The following MYOM3 variants were observed in gnomAD, a reference collection of about 807,000 sequenced individuals.
The protein encoded by MYOM3 is myomesin-3.
MYOM3 carries 155 observed loss-of-function variants against 191.7 expected under a neutral mutation model. The observed-to-expected ratio is 0.81, with a 90% CI of 0.71 to 0.92. The LOEUF is 0.92. MYOM3 is among the 40% of genes least tolerant of loss of function. The pLI is 0.00. For missense variants in MYOM3, 1,889 were observed against 1,890.6 expected (o/e 1.00, Z 0.02); for synonymous variants, 757 against 762.9 (o/e 0.99, Z 0.13).
intron 16 of MYOM3, chr1:24,084,168 G>A (rs527407404): frequency 2.1e-5 from 7 of 337,458 alleles, no homozygotes; most frequent in South Asian, 1.5e-4. Flanking sequence ...GCGGATGTCC[G>A]CTTTGCTGTT....
In MYOM3 at chr1:24,111,480, C is replaced by A. The variant is rs184695640; in HGVS notation, c.-19+551G>T. Among the ~76,000 whole-genome samples, 1 of 152,192 alleles carries A rather than the reference C, an allele frequency of 6.6e-6. No individual in the cohort carries two copies. Among genetic ancestry groups the A allele is most frequent in the Non-Finnish European group, 1.5e-5 (1 of 68,038 alleles). On this transcript the variant is annotated intron_variant, in intron 1 of 36. Coordinates refer to ENST00000374434, the MANE Select transcript of MYOM3 (RefSeq NM_152372.4). The surrounding 1 kb of genome is among the most constrained non-coding windows in gnomAD (Gnocchi z 4.7). ...GTGGCTCCACCAGCTTCCGCGAGGC[C>A]GAATCCTGCCCTTGCCAGTCATGAG...
At chr1:24,067,578 C>A (rs954583366) in intron 27 of MYOM3, among the ~76,000 whole-genome samples, 5 of 151,686 alleles carry the variant, frequency 3.3e-5, no homozygotes, top group African/African-American at 9.7e-5. Context: ...TCTTGTGGCT[C>A]AGCCTCCTGA....
In MYOM3 at chr1:24,061,030, C is replaced by T. The variant is rs1206576383; in HGVS notation, c.3994+30G>A. ...AGGAAGTTTGCCCCAAATTCAGAAA[C>T]AAAAACAACAGAAATATCGGCCGAC... On this transcript the variant is annotated intron_variant, in intron 35 of 36. Coordinates refer to ENST00000374434, the MANE Select transcript of MYOM3 (RefSeq NM_152372.4). The T allele has an allele frequency of 3.7e-6, 6 of 1,613,672 alleles. No individual in the cohort carries two copies. In the Admixed American group the frequency reaches 1.0e-4, roughly 27 times the overall value.
intron 25 of MYOM3, 138 bp from the exon 26 acceptor site, chr1:24,068,505 C>A: frequency 1.1e-6 from 1 of 941,596 alleles, no homozygotes; most frequent in Non-Finnish European, 1.6e-6. Context: ...CGTTGGGTAA[C>A]CCTCTGCTGC....
At chr1:24,064,236 G>A in intron 29 of MYOM3, 77 bp from the exon 30 acceptor site, 4 of 1,176,294 alleles carry the variant, frequency 3.4e-6, no homozygotes, top group Non-Finnish European at 5.0e-6. Context: ...CGGAGGCCTG[G>A]GCTCCAGGCC....
At chr1:24,081,648 A>G in intron 18 of MYOM3, 192 bp from the exon 19 acceptor site, 1 of 659,794 alleles carries the variant, frequency 1.5e-6, no homozygotes, top group South Asian at 2.0e-5. Flanking sequence ...CTGCAGCCTC[A>G]ACCTTCTGGG....
chr1:24,090,075 G>T lies in MYOM3; in HGVS notation c.1476C>A (p.Asp492Glu). 1 of 1,614,082 alleles carries T rather than the reference G, an allele frequency of 6.2e-7. No homozygotes were observed. The highest frequency in any genetic ancestry group is 1.3e-5 in the African/African-American group (1 of 75,056). Residue 492 changes from aspartate to glutamate, a missense_variant, in exon 13 of 37, where the codon GAC (aspartate) becomes GAA (glutamate). By Grantham distance (45) the Asp-to-Glu change is conservative (BLOSUM62 2). Coordinates refer to ENST00000374434, the MANE Select transcript of MYOM3 (RefSeq NM_152372.4). ...DLGNKITIST[D>E]AFEDTVTIPS... Reference sequence around the variant, plus strand: ...GAGGATCCCGCGTACCTTCAAAAGCGTCTGTGCTGATGGTGATCTTGTTTC... The same window carrying T: ...GAGGATCCCGCGTACCTTCAAAAGCTTCTGTGCTGATGGTGATCTTGTTTC...
chr1:24,109,177 G>T (rs1247441221), intron 1 of MYOM3, among the ~76,000 whole-genome samples: 1 of 152,142 alleles, frequency 6.6e-6, no homozygotes, highest in Non-Finnish European at 1.5e-5. Flanking sequence ...GGCCCGCTTG[G>T]CTCTAGTCAT....
chr1:24,099,094 T>A (rs1315924025), intron 6 of MYOM3, among the ~76,000 whole-genome samples: 1 of 152,096 alleles, frequency 6.6e-6, no homozygotes, highest in Non-Finnish European at 1.5e-5. Context: ...GACACAGGCC[T>A]TGGGGAGGAC....
chr1:24,063,029 T>C lies in MYOM3; in HGVS notation c.3770+97A>G. 1.3e-6 allele frequency: 1 copy of C among 776,956 alleles called. No homozygotes were observed. The highest frequency in any genetic ancestry group is 2.0e-5 in the Admixed American group (1 of 50,482). 48.1% of individuals were successfully genotyped at this position (776,956 alleles called of 1,614,324 possible). ...CTGCTTGGGGGACCAGAAACTCTGCTTGGAGGACCAGGCAGGGAGAAGGGA... is the reference window on the plus strand; with the variant it reads ...CTGCTTGGGGGACCAGAAACTCTGCCTGGAGGACCAGGCAGGGAGAAGGGA... On this transcript the variant is annotated intron_variant, in intron 32 of 36. Transcript: ENST00000374434. The surrounding 1 kb of genome is among the most constrained non-coding windows in gnomAD (Gnocchi z 4.5).
rs555361056 is a variant in MYOM3 at position 24,081,321 on chromosome 1, G to T, written c.2407+9C>A. On this transcript the variant is annotated intron_variant, in intron 19 of 36. Transcript: ENST00000374434. Reference sequence around the variant, plus strand: ...CAGGCACTGGACTTCAGGCCTGCAGGCCTCTCACCTGGCTGGGGCATTGTC... The same window carrying T: ...CAGGCACTGGACTTCAGGCCTGCAGTCCTCTCACCTGGCTGGGGCATTGTC... The T allele has an allele frequency of 3.1e-6, 5 of 1,613,354 alleles. No individual in the cohort carries two copies. The South Asian group carries it at 4.4e-5, about 14-fold the overall frequency.
intron 21 of MYOM3, 135 bp downstream of exon 21, chr1:24,076,024 C>T: frequency 1.5e-6 from 1 of 655,196 alleles, no homozygotes; most frequent in Non-Finnish European, 2.7e-6. Flanking sequence ...ACCCCTCCCT[C>T]AGGGGCTTGC....
At chr1:24,067,763 C>T (rs1278354446) in intron 27 of MYOM3, among the ~76,000 whole-genome samples, 1 of 152,096 alleles carries the variant, frequency 6.6e-6, no homozygotes, top group Non-Finnish European at 1.5e-5. Context: ...TGCCTGGCTT[C>T]AGGGTGCAAA....
At chr1:24,057,865 G>A (rs1643321862) in intron 36 of MYOM3, among the ~76,000 whole-genome samples, 1 of 152,130 alleles carries the variant, frequency 6.6e-6, no homozygotes, top group Admixed American at 6.5e-5. Flanking sequence ...GGAGTGCAGT[G>A]GCATGATCTC....
intron 6 of MYOM3, 31 bp from the exon 7 acceptor site, chr1:24,098,042 A>G (rs762771921): frequency 7.0e-7 from 1 of 1,418,462 alleles, no homozygotes; most frequent in Non-Finnish European, 1.0e-6. Context: ...AGTTCCTCCC[A>G]AGACTGCTGG....
intron 20 of MYOM3, among the ~76,000 whole-genome samples, chr1:24,076,923 G>A (rs1351198218): frequency 6.6e-6 from 1 of 152,102 alleles, no homozygotes; most frequent in Non-Finnish European, 1.5e-5. Flanking sequence ...TCCGGTTCAA[G>A]TGATTCTCCT....
At position 24,090,083 on chromosome 1, in the gene MYOM3, T is replaced by A; in HGVS notation, c.1468A>T (p.Ser490Cys). The part of the protein sequence containing the change: ...PFDLGNKITI[S>C]TDAFEDTVTI... ...CGCGTACCTTCAAAAGCGTCTGTGC[T>A]GATGGTGATCTTGTTTCCCAGATCA... Residue 490 changes from serine (S) to cysteine (C), a missense_variant, in exon 13 of 37, where the codon AGC (serine) becomes TGC (cysteine). By Grantham distance (112) the Ser-to-Cys change is moderately radical. Transcript: ENST00000374434. The A allele has an allele frequency of 3.1e-6, 5 of 1,614,170 alleles. No homozygotes were observed. Among genetic ancestry groups the A allele is most frequent in the Non-Finnish European group, 4.2e-6 (5 of 1,179,996 alleles).
chr1:24,085,823 G>A (rs898305285), intron 15 of MYOM3, among the ~76,000 whole-genome samples: 10 of 146,674 alleles, frequency 6.8e-5, no homozygotes, highest in African/African-American at 1.3e-4. Context: ...CATATGTGCC[G>A]TGTGTGTATG....
intron 25 of MYOM3, among the ~76,000 whole-genome samples, 155 bp from the exon 26 acceptor site, chr1:24,068,522 C>G (rs890646529): frequency 6.6e-6 from 1 of 151,958 alleles, no homozygotes; most frequent in African/African-American, 2.4e-5. Flanking sequence ...CTGCTCCCCC[C>G]ACACCTAGTC....
Sources: gnomAD v4.1 joint callset for allele counts (sites outside exome capture counted in the v4.1 genomes callset) on GRCh38, gnomAD v4.1.1 for gene constraint, Gnocchi (gnomAD v3.1) non-coding constraint, MANE v1.5 for transcripts, NCBI Gene and HGNC (gene_info 2026-07-23, HGNC 2026-07-21) for gene names.